Variants in SLC39A11 observed in about 807,000 individuals in gnomAD.
SLC39A11 encodes the protein zinc transporter ZIP11.
A neutral mutation model predicts 36.1 loss-of-function variants in SLC39A11; 33 were observed. That is an observed-to-expected ratio of 0.91 (90% CI 0.69 to 1.22). The LOEUF (loss-of-function observed/expected upper bound fraction) is 1.22, where lower values mean the gene tolerates loss of function less well. SLC39A11 is among the 50% of genes most tolerant of loss of function. The probability of loss-of-function intolerance (pLI) is 0.00; values close to 1 mark genes in which losing one functional copy is unlikely to be tolerated. For synonymous variants in SLC39A11, 166 were observed against 170.3 expected, an observed-to-expected ratio of 0.97 and a Z score of 0.20; for missense variants, 432 against 430.3, an observed-to-expected ratio of 1.00 and a Z score of -0.03.
At chr17:72,701,129 T>C (rs929640708) in intron 7 of SLC39A11, among the ~76,000 whole-genome samples, 6 of 152,336 alleles carry the variant, frequency 3.9e-5, no homozygotes, top group African/African-American at 1.2e-4. Flanking sequence ...CTGGGAAACT[T>C]TGGAAGAACT....
chr17:73,040,002 C>T (rs1464255071), intron 3 of SLC39A11, among the ~76,000 whole-genome samples: 1 of 152,158 alleles, frequency 6.6e-6, no homozygotes, highest in African/African-American at 2.4e-5. Flanking sequence ...ACCACCTCCC[C>T]CATTATCAGG....
chr17:72,802,323 T>A (rs1271399621), intron 6 of SLC39A11, among the ~76,000 whole-genome samples: 1 of 152,052 alleles, frequency 6.6e-6, no homozygotes, highest in African/African-American at 2.4e-5. Flanking sequence ...GACACGGTAG[T>A]ACATGCCTGT....
intron 4 of SLC39A11, among the ~76,000 whole-genome samples, chr17:73,030,261 G>T (rs540052965): frequency 5.3e-5 from 8 of 152,330 alleles, no homozygotes; most frequent in Non-Finnish European, 1.0e-4. Flanking sequence ...TTGGTCTGGG[G>T]GGTTGGGGAC....
intron 5 of SLC39A11, among the ~76,000 whole-genome samples, chr17:72,852,905 T>C (rs1427270677): frequency 6.6e-6 from 1 of 152,208 alleles, no homozygotes; most frequent in South Asian, 2.1e-4. Flanking sequence ...TCAGCAAACA[T>C]TCCTGATTTC....
At chr17:72,784,239 A>G (rs751636376) in intron 6 of SLC39A11, among the ~76,000 whole-genome samples, 27 of 152,090 alleles carry the variant, frequency 1.8e-4, no homozygotes, top group Admixed American at 6.5e-5. Context: ...CAGTTACTCC[A>G]GAGCCTGAAG....
At chr17:72,649,882 G>A (rs979376850) in intron 7 of SLC39A11, among the ~76,000 whole-genome samples, 9 of 151,804 alleles carry the variant, frequency 5.9e-5, no homozygotes, top group African/African-American at 4.8e-5. Context: ...CGTGAGCCAC[G>A]GCACCCAGCC....
chr17:72,908,859 T>C (rs987985867), intron 5 of SLC39A11, among the ~76,000 whole-genome samples: 2 of 152,220 alleles, frequency 1.3e-5, no homozygotes, highest in Non-Finnish European at 2.9e-5. Context: ...ACAAGGATGC[T>C]GGCCAGAGAA....
intron 6 of SLC39A11, among the ~76,000 whole-genome samples, chr17:72,820,876 C>G (rs2077749984): frequency 6.6e-6 from 1 of 151,104 alleles, no homozygotes; most frequent in African/African-American, 2.4e-5. Context: ...AGCACAGGGT[C>G]CCCCCAGCAC....
intron 7 of SLC39A11, among the ~76,000 whole-genome samples, chr17:72,693,569 C>A (rs1211312202): frequency 6.6e-6 from 1 of 152,202 alleles, no homozygotes; most frequent in African/African-American, 2.4e-5. Context: ...GCTTTCCAAG[C>A]GTGGCAGATC....
In SLC39A11 at chr17:72,849,893, A is replaced by C. The variant is rs552858374; in HGVS notation, c.431-89T>G. ...CTCTCCAGCAAGCTACAGCAGGAAG[A>C]AGCTTCTTTTTCTTTTTTGAGACAG... On this transcript the variant is annotated intron_variant, in intron 5 of 9. Transcript: ENST00000255559. 195 of 1,282,000 alleles carry C rather than the reference A, an allele frequency of 1.5e-4. 1 individual carries two copies. The highest frequency in any genetic ancestry group is 2.1e-4 in the East Asian group (8 of 38,694). 79.4% of individuals were successfully genotyped at this position (1,282,000 alleles called of 1,614,324 possible). A position where few individuals can be genotyped will look rare whatever the true frequency, so the allele number is the denominator to read the frequency against.
intron 4 of SLC39A11, among the ~76,000 whole-genome samples, chr17:72,982,077 T>C (rs1005308315): frequency 5.1e-5 from 2 of 38,906 alleles, no homozygotes; most frequent in South Asian, 3.0e-3. Flanking sequence ...ACTCCATCTC[T>C]AAAATTTTTT....
At chr17:73,066,341 A>C (rs1230995351) in intron 3 of SLC39A11, among the ~76,000 whole-genome samples, 1 of 152,132 alleles carries the variant, frequency 6.6e-6, no homozygotes. Context: ...CCAGCAGAAG[A>C]AGCACCCAGC....
At chr17:72,720,141 C>A (rs1426219907) in intron 7 of SLC39A11, among the ~76,000 whole-genome samples, 1 of 152,064 alleles carries the variant, frequency 6.6e-6, no homozygotes, top group African/African-American at 2.4e-5. Flanking sequence ...GGCTCTGCTC[C>A]CAGGGAGGAC....
intron 6 of SLC39A11, among the ~76,000 whole-genome samples, chr17:72,746,225 A>C (rs2074930149): frequency 6.6e-6 from 1 of 152,176 alleles, no homozygotes. Context: ...GCCAGATGAC[A>C]CTTCACCAAT....
At chr17:72,970,224 C>G (rs1016940025) in intron 4 of SLC39A11, among the ~76,000 whole-genome samples, 1 of 152,234 alleles carries the variant, frequency 6.6e-6, no homozygotes, top group Non-Finnish European at 1.5e-5. Flanking sequence ...TCTGTACACA[C>G]TCTCTGCCTC....
Position 72,923,732 on chromosome 17 carries a change from C to T in SLC39A11, c.430+24020G>A, listed in dbSNP as rs955466496. The stretch of plus-strand genomic sequence containing the variant: ...TTGACGAAGTACTACAATAAAGAGA[C>T]GAGCTCAGAAAAGAGTTAGCTGGTT... On this transcript the variant is annotated intron_variant, in intron 5 of 9. Transcript: ENST00000255559. Among the ~76,000 whole-genome samples the T allele has an allele frequency of 6.6e-5, 10 of 152,010 alleles. No individual in the cohort carries two copies. In the South Asian group the frequency reaches 1.5e-3, roughly 22 times the overall value.
intron 5 of SLC39A11, among the ~76,000 whole-genome samples, chr17:72,903,480 G>A (rs1249986952): frequency 6.6e-6 from 1 of 152,044 alleles, no homozygotes; most frequent in Non-Finnish European, 1.5e-5. Context: ...AGTTGCTCAC[G>A]CTCTGTAGTG....
intron 6 of SLC39A11, among the ~76,000 whole-genome samples, chr17:72,745,960 C>A (rs1315970782): frequency 6.6e-6 from 1 of 152,212 alleles, no homozygotes; most frequent in African/African-American, 2.4e-5. Context: ...TCATTTCCAT[C>A]TCCCCTAAAG....
At chr17:72,729,434 T>TA (rs2074096709) in intron 7 of SLC39A11, among the ~76,000 whole-genome samples, 1 of 3,472 alleles carries the variant, frequency 2.9e-4, no homozygotes, top group Non-Finnish European at 6.6e-4. Flanking sequence ...TATATATATA[T>TA]ATATATATAT....
Sources: allele counts gnomAD v4.1 joint callset (sites outside exome capture counted in the v4.1 genomes callset), GRCh38; gene constraint gnomAD v4.1.1; transcripts MANE v1.5; gene names NCBI Gene and HGNC (gene_info 2026-07-23, HGNC 2026-07-21).